SOHLH2: variants seen among roughly 807,000 people sequenced by gnomAD.
SOHLH2 encodes spermatogenesis and oogenesis specific basic helix-loop-helix 2.
SOHLH2 carries 22 observed loss-of-function variants against 50.4 expected under a neutral mutation model. The ratio of observed to expected loss-of-function variants is 0.44; its 90% confidence interval spans 0.31 to 0.62. The LOEUF (loss-of-function observed/expected upper bound fraction) is 0.62. Among genes scored for constraint, SOHLH2 ranks in the 20% least tolerant of loss-of-function variants. The pLI, the probability that SOHLH2 is intolerant of heterozygous loss-of-function variation, is 0.08. For synonymous variants in SOHLH2, 185 were observed against 187.3 expected (o/e 0.99, Z 0.10); for missense variants, 412 against 504.4 (o/e 0.82, Z 1.76).
intron 6 of SOHLH2, among the ~76,000 whole-genome samples, chr13:36,178,121 G>T (rs1440386479): frequency 1.3e-5 from 2 of 151,782 alleles, no homozygotes; most frequent in Admixed American, 6.6e-5. Context: ...TTCCTAAGTT[G>T]CAATAGCCAC....
intron 6 of SOHLH2, chr13:36,181,966 G>T: frequency 1.2e-6 from 1 of 846,246 alleles, no homozygotes; most frequent in Non-Finnish European, 1.4e-6. Flanking sequence ...GCACAAACAA[G>T]TGAAGAGTCT....
intron 6 of SOHLH2, among the ~76,000 whole-genome samples, chr13:36,187,904 G>A (rs1887465755): frequency 6.6e-6 from 1 of 152,078 alleles, no homozygotes; most frequent in African/African-American, 2.4e-5. Flanking sequence ...CTTGGATCTG[G>A]GTAGACCCTG....
chr13:36,179,821 T>C (rs1322853645), intron 6 of SOHLH2, among the ~76,000 whole-genome samples: 2 of 152,190 alleles, frequency 1.3e-5, no homozygotes, highest in Non-Finnish European at 2.9e-5. Context: ...GCTAAAATTA[T>C]GTTAAGTGTT....
chr13:36,170,854 T>C, intron 9 of SOHLH2, 67 bp from the exon 10 acceptor site: 1 of 1,564,700 alleles, frequency 6.4e-7, no homozygotes, highest in Non-Finnish European at 8.7e-7. Context: ...CGACTGTTAT[T>C]CGACATAAAC....
At chr13:36,209,268 T>A (rs979551697) in intron 1 of SOHLH2, among the ~76,000 whole-genome samples, 1 of 152,176 alleles carries the variant, frequency 6.6e-6, no homozygotes, top group East Asian at 1.9e-4. Context: ...TAATTTTTCA[T>A]AACCTGCTAT....
At chr13:36,212,362 T>A (rs998593217) in intron 1 of SOHLH2, among the ~76,000 whole-genome samples, 28 of 152,214 alleles carry the variant, frequency 1.8e-4, no homozygotes, top group Non-Finnish European at 3.5e-4. Context: ...AATGGACAAA[T>A]CAGAACACTG....
chr13:36,209,357 A>G (rs1239545899), intron 1 of SOHLH2, among the ~76,000 whole-genome samples: 2 of 151,242 alleles, frequency 1.3e-5, no homozygotes, highest in African/African-American at 4.9e-5. Context: ...CTTATGTCCT[A>G]GTTTATTCAA....
In SOHLH2 at chr13:36,199,534, G is replaced by A. The variant is rs149800501; in HGVS notation, c.263+2345C>T. Among the ~76,000 whole-genome samples, 18 of 152,344 alleles carry A rather than the reference G, an allele frequency of 1.2e-4. No homozygotes were observed. In the East Asian group the frequency reaches 2.7e-3, roughly 23 times the overall value. On this transcript the variant is annotated intron_variant, in intron 2 of 10. Transcript: ENST00000379881. ...ACAAACAAGGAATACAAGTCCAGGT[G>A]TATTCCACAAATTATTTGTTTTCTT...
At chr13:36,188,792 C>T (rs1566040237) in intron 6 of SOHLH2, among the ~76,000 whole-genome samples, 3 of 152,120 alleles carry the variant, frequency 2.0e-5, no homozygotes, top group Non-Finnish European at 4.4e-5. Context: ...TTCTTTTCTC[C>T]ACTAGTCCCT....
intron 6 of SOHLH2, among the ~76,000 whole-genome samples, chr13:36,181,389 C>T (rs1237135729): frequency 1.3e-5 from 2 of 151,848 alleles, no homozygotes; most frequent in Non-Finnish European, 2.9e-5. Context: ...GTCTCTTTTG[C>T]TTTTTTATTC....
chr13:36,192,802 C>T (rs1887613889), intron 4 of SOHLH2, among the ~76,000 whole-genome samples: 1 of 151,746 alleles, frequency 6.6e-6, no homozygotes, highest in African/African-American at 2.4e-5. Context: ...TAAGATCTAC[C>T]CTCTCAGCAA....
intron 2 of SOHLH2, among the ~76,000 whole-genome samples, chr13:36,197,686 A>G (rs1224848108): frequency 6.6e-6 from 1 of 152,276 alleles, no homozygotes; most frequent in African/African-American, 2.4e-5. Context: ...TATGACCTAC[A>G]TGGGACTTGT....
intron 1 of SOHLH2, among the ~76,000 whole-genome samples, chr13:36,213,081 C>T (rs1869217643): frequency 6.6e-6 from 1 of 152,182 alleles, no homozygotes; most frequent in Non-Finnish European, 1.5e-5. Flanking sequence ...GGGGCAATTG[C>T]GGGCCTTCAG....
At chr13:36,214,103 T>C (rs1396058226) in intron 1 of SOHLH2, among the ~76,000 whole-genome samples, 2 of 151,852 alleles carry the variant, frequency 1.3e-5, no homozygotes, top group Admixed American at 6.6e-5. Context: ...TGATGCAATC[T>C]GCAATTTTTG....
rs551541453 is a variant in SOHLH2, at chr13:36,199,158, C to A, written c.263+2721G>T. On this transcript the variant is annotated intron_variant, in intron 2 of 10. Coordinates refer to ENST00000379881, the MANE Select transcript of SOHLH2 (RefSeq NM_017826.3). ...GCAGTACATGTACAAGACTCATTACCATAAGAAAAACTATAGGTTGAAAAC... is the reference window on the plus strand; with the variant it reads ...GCAGTACATGTACAAGACTCATTACAATAAGAAAAACTATAGGTTGAAAAC... Among the ~76,000 whole-genome samples the A allele has an allele frequency of 1.1e-4, 16 of 152,200 alleles. No individual in the cohort carries two copies. The South Asian group carries it at 2.7e-3, about 26-fold the overall frequency.
Position 36,168,623 on chromosome 13 carries a change from A to G in SOHLH2, c.*411T>C, listed in dbSNP as rs2138260401. The G allele has an allele frequency of 5.2e-6, 1 of 191,976 alleles. No individual in the cohort carries two copies. Among genetic ancestry groups the G allele is most frequent in the Non-Finnish European group, 1.1e-5 (1 of 94,744 alleles). 11.9% of individuals were successfully genotyped at this position (191,976 alleles called of 1,614,324 possible). ...CACAGGGATACTAAAAATAAGAATCAAGTTGTAATATCTGTACTCAGTGAC... is the reference window on the plus strand; with the variant it reads ...CACAGGGATACTAAAAATAAGAATCGAGTTGTAATATCTGTACTCAGTGAC... On this transcript the variant is annotated 3_prime_UTR_variant, in exon 11 of 11. Coordinates refer to ENST00000379881, the MANE Select transcript of SOHLH2 (RefSeq NM_017826.3).
chr13:36,200,700 G>T (rs2138316169), intron 2 of SOHLH2, among the ~76,000 whole-genome samples: 1 of 152,252 alleles, frequency 6.6e-6, no homozygotes, highest in South Asian at 2.1e-4. Context: ...TGGCAGGGAA[G>T]AATCTAACTC....
intron 5 of SOHLH2, 76 bp downstream of exon 5, chr13:36,191,719 C>A: frequency 6.4e-7 from 1 of 1,566,468 alleles, no homozygotes; most frequent in Non-Finnish European, 8.7e-7. Flanking sequence ...AATGCTGCAC[C>A]CCTCTTCCAC....
chr13:36,201,399 T>C (rs1868408112), intron 2 of SOHLH2, among the ~76,000 whole-genome samples: 1 of 152,112 alleles, frequency 6.6e-6, no homozygotes, highest in Non-Finnish European at 1.5e-5. Context: ...CAAGTTAAAA[T>C]AATTCCTTAT....
Sources: gnomAD v4.1 joint callset for allele counts (sites outside exome capture counted in the v4.1 genomes callset) on GRCh38, gnomAD v4.1.1 for gene constraint, MANE v1.5 for transcripts, NCBI Gene and HGNC (gene_info 2026-07-23, HGNC 2026-07-21) for gene names.